Variants in RPS6KC1 observed in about 807,000 individuals in gnomAD.
The protein encoded by RPS6KC1 is ribosomal protein S6 kinase C1.
A neutral mutation model predicts 103.8 loss-of-function variants in RPS6KC1; 54 were observed. The observed-to-expected ratio is 0.52, with a 90% CI of 0.42 to 0.65. The LOEUF (loss-of-function observed/expected upper bound fraction) is 0.65. Among genes scored for constraint, RPS6KC1 ranks in the 30% least tolerant of loss-of-function variants. The pLI is 0.00. For synonymous variants in RPS6KC1, 439 were observed against 438.7 expected (o/e 1.00, Z -0.01); for missense variants, 1,151 against 1,253.8 (o/e 0.92, Z 1.24).
the RPS6KC1 span, among the ~76,000 whole-genome samples, chr1:213,323,363 C>T: frequency 6.6e-6 from 1 of 152,104 alleles, no homozygotes; most frequent in African/African-American, 2.4e-5. Context: ...GGCAGAAGCA[C>T]GAAGGCAGGT....
At chr1:213,412,042 T>C in the RPS6KC1 span, among the ~76,000 whole-genome samples, 1 of 152,202 alleles carries the variant, frequency 6.6e-6, no homozygotes, top group East Asian at 1.9e-4. Context: ...CTTGTTTTCA[T>C]AGCAGGCACA....
chr1:213,124,986 T>A (rs1024206167), intron 5 of RPS6KC1, among the ~76,000 whole-genome samples: 5 of 152,198 alleles, frequency 3.3e-5, no homozygotes, highest in African/African-American at 1.2e-4. Flanking sequence ...TGACGCTAGC[T>A]GCTGGTTGAT....
chr1:213,480,080 T>A, the RPS6KC1 span, among the ~76,000 whole-genome samples: 7,542 of 152,104 alleles, frequency 0.05, 597 homozygotes, highest in African/African-American at 0.16. Context: ...AATATCTTAC[T>A]CATTTGTGGA....
chr1:213,137,783 A>T (rs1346709600), intron 6 of RPS6KC1, among the ~76,000 whole-genome samples: 2 of 18,816 alleles, frequency 1.1e-4, no homozygotes, highest in Non-Finnish European at 2.2e-4. Flanking sequence ...CTCTCTATAT[A>T]TATATATATA....
the RPS6KC1 span, among the ~76,000 whole-genome samples, chr1:213,648,944 C>G: frequency 6.6e-6 from 1 of 152,134 alleles, no homozygotes; most frequent in Non-Finnish European, 1.5e-5. Flanking sequence ...AGCAGATAAA[C>G]TGCCTTTTAG....
chr1:213,277,975 G>A (rs1387888242), downstream of RPS6KC1, among the ~76,000 whole-genome samples: 1 of 152,112 alleles, frequency 6.6e-6, no homozygotes, highest in Non-Finnish European at 1.5e-5. Flanking sequence ...AGGCCAAGGC[G>A]GGTGAATTGA....
At chr1:213,134,272 A>G (rs1056056455) in intron 6 of RPS6KC1, among the ~76,000 whole-genome samples, 2 of 152,050 alleles carry the variant, frequency 1.3e-5, no homozygotes, top group Admixed American at 1.3e-4. Flanking sequence ...CACACTTAAA[A>G]AATACCCCAT....
At chr1:213,642,517 C>T in the RPS6KC1 span, among the ~76,000 whole-genome samples, 1 of 152,018 alleles carries the variant, frequency 6.6e-6, no homozygotes, top group African/African-American at 2.4e-5. Context: ...GAAGAAAGTG[C>T]CTATTTTAAT....
chr1:213,382,259 G>A, the RPS6KC1 span, among the ~76,000 whole-genome samples: 1 of 152,158 alleles, frequency 6.6e-6, no homozygotes. Flanking sequence ...TCAGAGATCT[G>A]GATGCTGGTG....
At chr1:213,333,339 C>A in the RPS6KC1 span, among the ~76,000 whole-genome samples, 4 of 152,248 alleles carry the variant, frequency 2.6e-5, no homozygotes, top group Non-Finnish European at 5.9e-5. Flanking sequence ...GAATGGAATG[C>A]GTGTCATGAG....
chr1:213,295,025 G>T, the RPS6KC1 span, among the ~76,000 whole-genome samples: 1 of 152,188 alleles, frequency 6.6e-6, no homozygotes, highest in East Asian at 1.9e-4. Flanking sequence ...TGAACTGGAG[G>T]TCATGAGCAA....
At chr1:213,124,068 A>G (rs949370281) in intron 5 of RPS6KC1, among the ~76,000 whole-genome samples, 5 of 152,290 alleles carry the variant, frequency 3.3e-5, no homozygotes, top group African/African-American at 9.6e-5. Context: ...AAGGGTAGGT[A>G]GGTGAACTGG....
At chr1:213,514,330 T>G in the RPS6KC1 span, among the ~76,000 whole-genome samples, 1 of 151,462 alleles carries the variant, frequency 6.6e-6, no homozygotes, top group African/African-American at 2.4e-5. Flanking sequence ...GCTGCACCCA[T>G]TAACTCATCA....
chr1:213,827,557 ATCAACT>A, the RPS6KC1 span, among the ~76,000 whole-genome samples: 12 of 152,004 alleles, frequency 7.9e-5, no homozygotes, highest in Non-Finnish European at 1.5e-4. Flanking sequence ...GGGCATAAAG[ATCAACT>A]TCAAAGAAAA....
At chr1:213,588,381 C>A in the RPS6KC1 span, among the ~76,000 whole-genome samples, 1 of 151,356 alleles carries the variant, frequency 6.6e-6, no homozygotes, top group Non-Finnish European at 1.5e-5. Context: ...GCACTCCAAG[C>A]TATGCCTCCT....
At chr1:213,359,962 C>G in the RPS6KC1 span, among the ~76,000 whole-genome samples, 2 of 151,840 alleles carry the variant, frequency 1.3e-5, no homozygotes, top group South Asian at 4.2e-4. Context: ...GTGGGTAACC[C>G]GACCTTTCTC....
chr1:213,709,215 C>T, the RPS6KC1 span, among the ~76,000 whole-genome samples: 1 of 152,144 alleles, frequency 6.6e-6, no homozygotes, highest in African/African-American at 2.4e-5. Flanking sequence ...TTAACTACTG[C>T]CTCAATTTCA....
At chr1:213,802,554 C>A in the RPS6KC1 span, among the ~76,000 whole-genome samples, 5 of 152,162 alleles carry the variant, frequency 3.3e-5, no homozygotes, top group African/African-American at 1.2e-4. Context: ...ATCTGCATCT[C>A]ATTTTTAGGG....
At chr1:213,488,103 A>G in the RPS6KC1 span, among the ~76,000 whole-genome samples, 7 of 152,172 alleles carry the variant, frequency 4.6e-5, no homozygotes, top group African/African-American at 1.7e-4. Flanking sequence ...TTTCTTCTAT[A>G]ACACTCTTCA....
Sources: gnomAD v4.1 joint callset for allele counts (sites outside exome capture counted in the v4.1 genomes callset) on GRCh38, gnomAD v4.1.1 for gene constraint, MANE v1.5 for transcripts, NCBI Gene and HGNC (gene_info 2026-07-23, HGNC 2026-07-21) for gene names.